Variants in KCNMA1 observed in about 807,000 individuals in gnomAD.
KCNMA1 encodes potassium calcium-activated channel subfamily M alpha 1.
KCNMA1 carries 29 observed loss-of-function variants against 140.0 expected under a neutral mutation model. The observed-to-expected ratio is 0.21, with a 90% CI of 0.15 to 0.28. KCNMA1 has a LOEUF of 0.28. KCNMA1 is among the 10% of genes least tolerant of loss of function. KCNMA1 has a pLI of 1.00. For missense variants in KCNMA1, 880 were observed against 1,602.2 expected, an observed-to-expected ratio of 0.55 and a Z score of 7.70; for synonymous variants, 612 against 611.9, an observed-to-expected ratio of 1.00 and a Z score of 0.00.
chr10:77,627,619 C>T (rs2092691000), intron 1 of KCNMA1, among the ~76,000 whole-genome samples: 1 of 152,216 alleles, frequency 6.6e-6, no homozygotes, highest in African/African-American at 2.4e-5. Context: ...TACGTCTCAA[C>T]ACTGCGGACA....
At chr10:76,986,670 G>A (rs1310831445) in intron 19 of KCNMA1, among the ~76,000 whole-genome samples, 2 of 152,210 alleles carry the variant, frequency 1.3e-5, no homozygotes, top group East Asian at 3.8e-4. Flanking sequence ...CTAGGCCATT[G>A]GCTAGGGTCT....
At chr10:77,233,456 T>G (rs1426031702) in intron 3 of KCNMA1, among the ~76,000 whole-genome samples, 2 of 152,236 alleles carry the variant, frequency 1.3e-5, no homozygotes, top group Non-Finnish European at 2.9e-5. Flanking sequence ...TTCCTTTAAT[T>G]ATGAATATAG....
chr10:77,205,283 G>C (rs762924029), intron 3 of KCNMA1, among the ~76,000 whole-genome samples: 1 of 152,112 alleles, frequency 6.6e-6, no homozygotes, highest in Non-Finnish European at 1.5e-5. Context: ...AACTTGACAC[G>C]AAGCATACTA....
chr10:76,902,991 G>A (rs2046189181), intron 25 of KCNMA1: 1 of 152,230 alleles, frequency 6.6e-6, no homozygotes, highest in Non-Finnish European at 1.5e-5. Context: ...AGCTGGCTCA[G>A]AACACAAGGG....
chr10:77,135,754 G>A (rs1421628390), intron 5 of KCNMA1, among the ~76,000 whole-genome samples: 4 of 152,116 alleles, frequency 2.6e-5, no homozygotes, highest in Non-Finnish European at 5.9e-5. Context: ...CAAACATCAC[G>A]TGATCTCACT....
At chr10:77,134,138 G>A (rs1373699126) in intron 5 of KCNMA1, among the ~76,000 whole-genome samples, 2 of 151,928 alleles carry the variant, frequency 1.3e-5, no homozygotes, top group African/African-American at 2.4e-5. Context: ...GAAAATATAG[G>A]TATATATTAT....
intron 16 of KCNMA1, chr10:77,025,491 A>G (rs1237706565): frequency 1.3e-6 from 2 of 1,566,906 alleles, no homozygotes; most frequent in South Asian, 2.3e-5. Flanking sequence ...TTAAAATCAA[A>G]CAATTTGATA....
intron 2 of KCNMA1, among the ~76,000 whole-genome samples, chr10:77,377,896 A>G (rs1453010641): frequency 1.3e-5 from 2 of 152,316 alleles, no homozygotes; most frequent in East Asian, 1.9e-4. Context: ...GGTGAGGCCA[A>G]CCAGTTGCTT....
At chr10:77,367,436 C>A (rs921404258) in intron 2 of KCNMA1, among the ~76,000 whole-genome samples, 9 of 152,206 alleles carry the variant, frequency 5.9e-5, no homozygotes, top group Admixed American at 3.9e-4. Context: ...AGAGCCTAAC[C>A]CCCTCCACTT....
chr10:77,225,790 G>A (rs920001365), intron 3 of KCNMA1, among the ~76,000 whole-genome samples: 1 of 152,216 alleles, frequency 6.6e-6, no homozygotes, highest in Non-Finnish European at 1.5e-5. Context: ...GAGGAGCGTG[G>A]CAACCTTCCT....
rs766249475 is a variant in KCNMA1, at chr10:77,108,812, G to A, written c.1132-240C>T. On this transcript the variant is annotated intron_variant, in intron 8 of 27. Transcript: ENST00000286628. This position sits in a 1 kb window ranked among gnomAD's most constrained non-coding sequence, Gnocchi z 4.6. ...TAAAGAACAAAAAAAAATCACAGTCGAGAAAAATACAAAGGCGACAGGAAT... is the reference window on the plus strand; with the variant it reads ...TAAAGAACAAAAAAAAATCACAGTCAAGAAAAATACAAAGGCGACAGGAAT... Among the ~76,000 whole-genome samples, 33 of 151,926 alleles carry A rather than the reference G, an allele frequency of 2.2e-4. No homozygotes were observed. The highest frequency in any genetic ancestry group is 1.6e-3 in the Admixed American group (24 of 15,234).
intron 5 of KCNMA1, among the ~76,000 whole-genome samples, chr10:77,128,727 G>C (rs2097792967): frequency 6.6e-6 from 1 of 152,048 alleles, no homozygotes. Flanking sequence ...AAACAAATAG[G>C]TGTGACCATA....
intron 2 of KCNMA1, among the ~76,000 whole-genome samples, chr10:77,365,621 T>C (rs1412668706): frequency 6.6e-6 from 1 of 152,222 alleles, no homozygotes; most frequent in East Asian, 1.9e-4. Flanking sequence ...CTACACTTTA[T>C]GGCCACGTTT....
At chr10:77,503,566 C>T (rs2044690248) in intron 1 of KCNMA1, among the ~76,000 whole-genome samples, 1 of 152,220 alleles carries the variant, frequency 6.6e-6, no homozygotes, top group South Asian at 2.1e-4. Context: ...CCATTAAATT[C>T]ACAATATTTT....
chr10:77,127,696 G>A (rs988339173), intron 5 of KCNMA1, among the ~76,000 whole-genome samples: 2 of 152,210 alleles, frequency 1.3e-5, no homozygotes, highest in South Asian at 4.1e-4. Context: ...TTTGAGGTCG[G>A]GCATGGTGGC....
At chr10:77,274,990 A>T (rs1413894594) in intron 2 of KCNMA1, among the ~76,000 whole-genome samples, 1 of 152,206 alleles carries the variant, frequency 6.6e-6, no homozygotes, top group Admixed American at 6.5e-5. Context: ...TGCCTCCTGC[A>T]GCTAACACAC....
At chr10:77,055,366 C>T (rs775574233) in intron 14 of KCNMA1, among the ~76,000 whole-genome samples, 4 of 152,096 alleles carry the variant, frequency 2.6e-5, no homozygotes, top group South Asian at 2.1e-4. Flanking sequence ...AAGATGTGGA[C>T]AAAAAACCTC....
At chr10:77,139,206 A>T (rs1179060817) in intron 5 of KCNMA1, among the ~76,000 whole-genome samples, 1 of 152,206 alleles carries the variant, frequency 6.6e-6, no homozygotes, top group Non-Finnish European at 1.5e-5. Flanking sequence ...TCAATTATTC[A>T]ACGTTTTCTC....
In KCNMA1 at chr10:77,096,638, G is replaced by T. The variant is rs770536872; in HGVS notation, c.1224-6128C>A. The stretch of plus-strand genomic sequence containing the variant: ...ATACTATATCCATTTTTACTGGAAC[G>T]AGTATAAAGAACTTAAAAAACCCAG... On this transcript the variant is annotated intron_variant, in intron 9 of 27. Transcript: ENST00000286628. Among the ~76,000 whole-genome samples, 16 of 152,142 alleles carry T rather than the reference G, an allele frequency of 1.1e-4. 1 individual carries two copies. The highest frequency in any genetic ancestry group is 2.1e-4 in the Non-Finnish European group (14 of 68,028).
Sources: gnomAD v4.1 joint callset for allele counts (sites outside exome capture counted in the v4.1 genomes callset) on GRCh38, gnomAD v4.1.1 for gene constraint, Gnocchi (gnomAD v3.1) non-coding constraint, MANE v1.5 for transcripts, NCBI Gene and HGNC (gene_info 2026-07-23, HGNC 2026-07-21) for gene names.